CSRP2: variants seen among roughly 807,000 people sequenced by gnomAD.
CSRP2 encodes the protein cysteine and glycine-rich protein 2.
Under a neutral mutation model 24.6 loss-of-function variants are expected in CSRP2, and 18 were observed. The ratio of observed to expected loss-of-function variants is 0.73; its 90% CI spans 0.51 to 1.09. The LOEUF (loss-of-function observed/expected upper bound fraction) is 1.09. Ranked by LOEUF, CSRP2 falls within the 50% of genes least tolerant of loss-of-function variation. CSRP2 has a pLI of 0.00. For missense variants in CSRP2, 215 were observed against 239.4 expected (o/e 0.90, Z 0.67); for synonymous variants, 87 against 84.3 (o/e 1.03, Z -0.18).
intron 1 of CSRP2, among the ~76,000 whole-genome samples, chr12:76,871,715 G>C (rs1370737205): frequency 6.7e-6 from 1 of 149,002 alleles, no homozygotes; most frequent in African/African-American, 2.5e-5. Context: ...AGTGAGCCGA[G>C]ATAGTGCCAC....
chr12:76,878,557 G>C lies in CSRP2; in HGVS notation c.-2+381C>G, dbSNP rs951775011. ...CCCCAGAGAGAGCCTGCCGCTGGAC[G>C]AGGGGACCGACGGCTGCTAAGAGGC... On this transcript the variant is annotated intron_variant, in intron 1 of 5. Transcript: ENST00000311083. Among the ~76,000 whole-genome samples the C allele has an allele frequency of 5.9e-5, 9 of 152,338 alleles. No individual in the cohort carries two copies. The South Asian group carries it at 1.0e-3, about 18-fold the overall frequency.
In CSRP2 at chr12:76,863,232, C is replaced by T; in HGVS notation, c.225G>A (p.Gln75=). 2.5e-6 allele frequency: 4 copies of T among 1,614,246 alleles called. No homozygotes were observed. The highest frequency in any genetic ancestry group is 2.5e-6 in the Non-Finnish European group (3 of 1,180,052). Residue 75 remains glutamine (Q), a synonymous_variant, in exon 3 of 6, where the codon CAG becomes CAA. Transcript: ENST00000311083. ...KYGPKGYGYG[Q]GAGTLNMDRG... is the part of the protein sequence containing the mutation. ...GGTCCATGTTAAGCGTGCCAGCGCC[C>T]TGGCCATAACCGTAGCCTTTTGGCC...
intron 1 of CSRP2, among the ~76,000 whole-genome samples, chr12:76,873,706 C>T (rs1326556980): frequency 6.6e-6 from 1 of 152,180 alleles, no homozygotes; most frequent in Non-Finnish European, 1.5e-5. Context: ...ATAGTGGGGA[C>T]TCAAATGATA....
chr12:76,872,083 T>C (rs1953805621), intron 1 of CSRP2, among the ~76,000 whole-genome samples: 5 of 152,226 alleles, frequency 3.3e-5, no homozygotes, highest in Admixed American at 3.3e-4. Context: ...ACTTTACATG[T>C]GATAAAATAG....
intron 1 of CSRP2, among the ~76,000 whole-genome samples, chr12:76,871,035 T>C (rs1301053614): frequency 6.6e-6 from 1 of 151,570 alleles, no homozygotes; most frequent in Non-Finnish European, 1.5e-5. Context: ...CTTATATTGT[T>C]CTCTACTTTG....
chr12:76,859,793 A>G (rs1953657430), intron 4 of CSRP2, among the ~76,000 whole-genome samples, 153 bp from the exon 5 acceptor site: 1 of 152,210 alleles, frequency 6.6e-6, no homozygotes, highest in Non-Finnish European at 1.5e-5. Context: ...ACCAGTCCTC[A>G]GTATCTGCAC....
chr12:76,864,644 G>C (rs1953717135), intron 2 of CSRP2: 1 of 151,130 alleles, frequency 6.6e-6, no homozygotes, highest in East Asian at 1.9e-4. Flanking sequence ...AAATAAAAGG[G>C]GGGGGGTTGA....
At position 76,859,536 on chromosome 12, in the gene CSRP2, A is replaced by G. The variant is rs758688366; in HGVS notation, c.505+11T>C. 14 of 1,590,146 alleles carry G rather than the reference A, an allele frequency of 8.8e-6. No individual in the cohort carries two copies. In the East Asian group the frequency reaches 3.1e-4, roughly 36 times the overall value. On this transcript the variant is annotated intron_variant, in intron 5 of 5. Transcript: ENST00000311083. ...ATTCATATGGACAGCAGTAACTGAA[A>G]TGAATTTTACCTTTACAATAGATTT...
chr12:76,878,314 T>C (rs1953872130), intron 1 of CSRP2: 1 of 152,274 alleles, frequency 6.6e-6, no homozygotes, highest in African/African-American at 2.4e-5. Context: ...TGATTGACAT[T>C]CCCTGCTGTT....
intron 2 of CSRP2, 180 bp from the exon 3 acceptor site, chr12:76,863,524 G>T: frequency 1.9e-6 from 1 of 533,962 alleles, no homozygotes. Context: ...CTACATTCGA[G>T]GATTATTTAC....
chr12:76,860,492 C>G, intron 3 of CSRP2, 79 bp from the exon 4 acceptor site: 1 of 1,526,146 alleles, frequency 6.6e-7, no homozygotes, highest in Non-Finnish European at 8.9e-7. Context: ...AACAATAGAA[C>G]TCTGGGACTT....
chr12:76,873,874 A>C (rs1468104833), intron 1 of CSRP2, among the ~76,000 whole-genome samples: 2 of 152,178 alleles, frequency 1.3e-5, no homozygotes, highest in African/African-American at 2.4e-5. Context: ...TATCTCAAGT[A>C]ATTTTTCTAG....
intron 1 of CSRP2, among the ~76,000 whole-genome samples, chr12:76,871,503 G>A (rs139744527): frequency 3.3e-5 from 5 of 152,326 alleles, no homozygotes; most frequent in South Asian, 2.1e-4. Flanking sequence ...GGATGCGGTG[G>A]CTCACGCCTG....
At chr12:76,872,274 T>C (rs937846497) in intron 1 of CSRP2, among the ~76,000 whole-genome samples, 2 of 152,214 alleles carry the variant, frequency 1.3e-5, no homozygotes, top group Non-Finnish European at 2.9e-5. Flanking sequence ...GACTCACCCA[T>C]GCGGAAAAAC....
chr12:76,874,571 T>C (rs2137838247), intron 1 of CSRP2, among the ~76,000 whole-genome samples: 1 of 146,140 alleles, frequency 6.8e-6, no homozygotes, highest in East Asian at 1.9e-4. Context: ...GGGGCCTGAA[T>C]ATACCAAGTT....
chr12:76,860,310 C>G lies in CSRP2; in HGVS notation c.385G>C (p.Ala129Pro), dbSNP rs1384044018. 1.2e-6 allele frequency: 2 copies of G among 1,613,806 alleles called. No homozygotes were observed. Among genetic ancestry groups the G allele is most frequent in the Admixed American group, 1.7e-5 (1 of 59,988 alleles). The stretch of plus-strand genomic sequence containing the variant: ...TTTCCAGCTCCAATTATCTTCTCGG[C>G]AGCATATACAGAATCCCCACATCTG... ...CSRCGDSVYA[A>P]EKIIGAGKPW... The change falls in exon 4 of 6, where the codon GCC (alanine) becomes CCC (proline). Residue 129 changes from alanine to proline, a missense_variant. By Grantham distance (27) the Ala-to-Pro change is conservative (BLOSUM62 -1). Coordinates refer to ENST00000311083, the MANE Select transcript of CSRP2 (RefSeq NM_001321.3).
chr12:76,863,625 T>TTTTTTATTTTTGTTTGTTTCGTTTA, intron 2 of CSRP2: 1 of 311,374 alleles, frequency 3.2e-6, no homozygotes, highest in Non-Finnish European at 5.8e-6. Context: ...GTTTCGTTTA[T>TTTTTTATTTTTGTTTGTTTCGTTTA]TTTTTATTCC....
intron 1 of CSRP2, among the ~76,000 whole-genome samples, chr12:76,874,205 A>C (rs983696095): frequency 1.2e-4 from 19 of 152,368 alleles, no homozygotes; most frequent in African/African-American, 3.8e-4. Flanking sequence ...TACGTTGAGA[A>C]AGATTCTGAA....
Position 76,859,653 on chromosome 12 carries a change from A to T in CSRP2, c.412-13T>A, listed in dbSNP as rs1238204422. Reference sequence around the variant, plus strand: ...TTTTGTGCCAGGGCTGGAAGAGATGAATGTGTCAGCATGTTTGAGAGGCCT... The same window carrying T: ...TTTTGTGCCAGGGCTGGAAGAGATGTATGTGTCAGCATGTTTGAGAGGCCT... On this transcript the variant is annotated splice_polypyrimidine_tract_variant and intron_variant, in intron 4 of 5. Transcript: ENST00000311083. The T allele has an allele frequency of 1.2e-6, 2 of 1,602,366 alleles. No homozygotes were observed. Among genetic ancestry groups the T allele is most frequent in the Admixed American group, 1.7e-5 (1 of 59,360 alleles).
Sources: gnomAD v4.1 joint callset for allele counts (sites outside exome capture counted in the v4.1 genomes callset) on GRCh38, gnomAD v4.1.1 for gene constraint, MANE v1.5 for transcripts, NCBI Gene and HGNC (gene_info 2026-07-23, HGNC 2026-07-21) for gene names.